The following TRANK1 variants were observed in gnomAD, a reference collection of about 807,000 sequenced individuals.
TRANK1 encodes the protein tetratricopeptide repeat and ankyrin repeat containing 1.
A neutral mutation model predicts 266.0 loss-of-function variants in TRANK1; 198 were observed. That is an observed-to-expected ratio of 0.74 (90% CI 0.66 to 0.84). The LOEUF is 0.84. TRANK1 is among the 40% of genes least tolerant of loss of function. TRANK1 has a pLI of 0.00. For missense variants in TRANK1, 3,326 were observed against 3,634.6 expected (o/e 0.92, Z 2.18); for synonymous variants, 1,396 against 1,384.1 (o/e 1.01, Z -0.19).
intron 21 of TRANK1, 66 bp from the exon 22 acceptor site, chr3:36,833,985 A>C: frequency 6.7e-7 from 1 of 1,485,234 alleles, no homozygotes; most frequent in South Asian, 1.4e-5. Flanking sequence ...TTCCTCCAAA[A>C]TACAGTGCAG....
chr3:36,856,631 T>G lies in TRANK1; in HGVS notation c.3091A>C (p.Ser1031Arg), dbSNP rs1275379131. The stretch of plus-strand genomic sequence containing the variant: ...TTAAAGGCCATGTTGGTGCTGAAGC[T>G]GTGGAACTTCATGATGTTATATTCT... ...ETEYNIMKFH[S>R]FSTNMAFNIL... Residue 1031 changes from serine to arginine, a missense_variant, in exon 13 of 24, where the codon AGC (serine) becomes CGC (arginine). Ser to Arg is a moderately radical substitution (Grantham distance 110). Transcript: ENST00000645898. 1 of 1,613,946 alleles carries G rather than the reference T, an allele frequency of 6.2e-7. No individual in the cohort carries two copies. The highest frequency in any genetic ancestry group is 1.3e-5 in the African/African-American group (1 of 74,938).
At chr3:36,858,226 A>AG (rs1486230931) in intron 12 of TRANK1, among the ~76,000 whole-genome samples, 177 bp from the exon 13 acceptor site, 1 of 152,188 alleles carries the variant, frequency 6.6e-6, no homozygotes, top group African/African-American at 2.4e-5. Context: ...TTACTCCCCA[A>AG]GGGACATTTG....
chr3:36,945,019 C>G lies in TRANK1; in HGVS notation c.-210G>C, dbSNP rs925972117. 4.2e-6 allele frequency: 2 copies of G among 476,032 alleles called. No homozygotes were observed. The highest frequency in any genetic ancestry group is 7.3e-6 in the Non-Finnish European group (2 of 274,518). 29.5% of individuals were successfully genotyped at this position (476,032 alleles called of 1,614,324 possible). ...GAGGGGGCGGGGGACGCAGGAACCC[C>G]GGCGTCCGGGCGGTGTGCAGCCGCA... On this transcript the variant is annotated 5_prime_UTR_variant, in exon 1 of 24. Transcript: ENST00000645898.
chr3:36,870,322 G>A (rs1268025026), intron 9 of TRANK1, among the ~76,000 whole-genome samples: 4 of 151,996 alleles, frequency 2.6e-5, no homozygotes, highest in African/African-American at 7.3e-5. Context: ...CAGGAGAATC[G>A]CTTGGACCCG....
intron 17 of TRANK1, among the ~76,000 whole-genome samples, chr3:36,843,002 G>A (rs1398486478): frequency 6.6e-6 from 1 of 152,232 alleles, no homozygotes; most frequent in African/African-American, 2.4e-5. Flanking sequence ...GAAAGACCAC[G>A]TGAGGACACA....
intron 17 of TRANK1, among the ~76,000 whole-genome samples, chr3:36,845,317 A>T (rs1218157074): frequency 1.3e-5 from 2 of 152,338 alleles, no homozygotes; most frequent in East Asian, 3.9e-4. Flanking sequence ...TATCTGAACT[A>T]TCGGTTCTTA....
intron 13 of TRANK1, among the ~76,000 whole-genome samples, chr3:36,853,552 A>G (rs1272902667): frequency 6.6e-6 from 1 of 152,200 alleles, no homozygotes; most frequent in Non-Finnish European, 1.5e-5. Flanking sequence ...GGCCAAATAT[A>G]TATCTACATT....
chr3:36,935,726 C>G (rs957587769), intron 1 of TRANK1, among the ~76,000 whole-genome samples: 1 of 152,248 alleles, frequency 6.6e-6, no homozygotes, highest in South Asian at 2.1e-4. Flanking sequence ...GGATTACAGG[C>G]GTGAGTCACC....
chr3:36,899,376 T>C, intron 3 of TRANK1, 117 bp from the exon 4 acceptor site: 1 of 1,117,504 alleles, frequency 8.9e-7, no homozygotes, highest in South Asian at 1.6e-5. Flanking sequence ...GACTTCTGGC[T>C]GGGCACAGTG....
intron 4 of TRANK1, among the ~76,000 whole-genome samples, chr3:36,898,199 T>C (rs777791600): frequency 6.6e-6 from 1 of 152,224 alleles, no homozygotes; most frequent in Non-Finnish European, 1.5e-5. Context: ...ACGCCTGTAA[T>C]CTCAGCACTT....
intron 18 of TRANK1, 46 bp from the exon 19 acceptor site, chr3:36,838,762 A>G: frequency 6.4e-7 from 1 of 1,560,008 alleles, no homozygotes; most frequent in Non-Finnish European, 8.8e-7. Context: ...AATGGAGGTA[A>G]CAGACAGAAC....
chr3:36,856,189 A>ACTT lies in TRANK1; in HGVS notation c.3530_3532dup (p.Glu1177dup). 1 of 1,613,762 alleles carries ACTT rather than the reference A, an allele frequency of 6.2e-7. No homozygotes were observed. The highest frequency in any genetic ancestry group is 1.1e-5 in the South Asian group (1 of 91,070). Reference sequence around the variant, plus strand: ...CTGGTGGGGATGTTCTGGTGCACATACTTCTGCAGCTTGGCCGTCCCCTGC... The same window carrying ACTT: ...CTGGTGGGGATGTTCTGGTGCACATACTTCTTCTGCAGCTTGGCCGTCCCCTGC... On this transcript the variant is annotated inframe_insertion, in exon 13 of 24. Transcript: ENST00000645898.
chr3:36,881,735 A>C (rs902887522), intron 8 of TRANK1, among the ~76,000 whole-genome samples: 2 of 152,194 alleles, frequency 1.3e-5, no homozygotes, highest in African/African-American at 4.8e-5. Flanking sequence ...TAAATCTCAT[A>C]CACATTAAGT....
chr3:36,828,346 C>T lies in TRANK1; in HGVS notation c.8839G>A (p.Glu2947Lys). ...GIVQEDDYEN[E>K]VEDFGELRPR... Reference sequence around the variant, plus strand: ...CGAAGCTCACCAAAGTCTTCAACTTCATTTTCATAATCATCTTCCTGAACA... The same window carrying T: ...CGAAGCTCACCAAAGTCTTCAACTTTATTTTCATAATCATCTTCCTGAACA... Residue 2947 changes from glutamate (E) to lysine (K), a missense_variant, in exon 24 of 24, where the codon GAA (glutamate) becomes AAA (lysine). Transcript: ENST00000645898. 1 of 1,462,314 alleles carries T rather than the reference C, an allele frequency of 6.8e-7. No homozygotes were observed. The highest frequency in any genetic ancestry group is 9.2e-7 in the Non-Finnish European group (1 of 1,083,746). The allele number at this position is 1,462,314 out of a possible 1,614,324, so 90.6% of individuals were successfully genotyped here. A position where few individuals can be genotyped will look rare whatever the true frequency, so the allele number is the denominator to read the frequency against.
chr3:36,894,009 G>A (rs2079750464), intron 5 of TRANK1, among the ~76,000 whole-genome samples: 1 of 151,840 alleles, frequency 6.6e-6, no homozygotes, highest in Non-Finnish European at 1.5e-5. Flanking sequence ...AACAAGCCTC[G>A]CTGCCCACAC....
intron 1 of TRANK1, among the ~76,000 whole-genome samples, chr3:36,914,450 C>CTTTT (rs10644293): frequency 0.031 from 4,205 of 137,670 alleles, 103 homozygotes; most frequent in Non-Finnish European, 0.049. Context: ...TGGTGTCTTC[C>CTTTT]TTTTTTTTTT....
chr3:36,834,411 G>T, intron 21 of TRANK1: 1 of 217,774 alleles, frequency 4.6e-6, no homozygotes, highest in East Asian at 1.1e-4. Flanking sequence ...TTCTCTTTTA[G>T]CAGGTGTGCA....
At chr3:36,829,489 TC>T (rs2078667131) in intron 23 of TRANK1, 74 bp downstream of exon 23, 12 of 1,478,920 alleles carry the variant, frequency 8.1e-6, no homozygotes, top group South Asian at 1.2e-5. Flanking sequence ...CACTTCAGAT[TC>T]CCCCCGGGAG....
At chr3:36,918,503 GAAAGAAAGAAA>G (rs2080159988) in intron 1 of TRANK1, among the ~76,000 whole-genome samples, 25 of 39,356 alleles carry the variant, frequency 6.4e-4, no homozygotes, top group African/African-American at 2.6e-3. Context: ...AAGAAAGAAA[GAAAGAAAGAAA>G]GAAAGAAAGA....
Sources: gnomAD v4.1 joint callset for allele counts (sites outside exome capture counted in the v4.1 genomes callset) on GRCh38, gnomAD v4.1.1 for gene constraint, MANE v1.5 for transcripts, NCBI Gene and HGNC (gene_info 2026-07-23, HGNC 2026-07-21) for gene names.